Variants in IQSEC1 observed in about 807,000 individuals in gnomAD.
The protein encoded by IQSEC1 is IQ motif and Sec7 domain ArfGEF 1.
A neutral mutation model predicts 91.0 loss-of-function variants in IQSEC1; 31 were observed. The observed-to-expected ratio is 0.34, with a 90% CI of 0.26 to 0.46. The LOEUF is 0.46. Ranked by LOEUF, IQSEC1 falls within the 20% of genes least tolerant of loss-of-function variation. The probability of loss-of-function intolerance (pLI) is 1.00; values close to 1 mark genes in which losing one functional copy is unlikely to be tolerated. For synonymous variants in IQSEC1, 699 were observed against 662.6 expected (o/e 1.05, Z -0.84); for missense variants, 1,388 against 1,575.6 (o/e 0.88, Z 2.02).
intron 1 of IQSEC1, among the ~76,000 whole-genome samples, chr3:13,246,584 T>C (rs1367550693): frequency 9.2e-5 from 14 of 152,210 alleles, no homozygotes; most frequent in Admixed American, 6.5e-4. Flanking sequence ...GAAATATAGC[T>C]ACGAAATATA....
chr3:13,014,389 C>T (rs1004976804), intron 1 of IQSEC1, among the ~76,000 whole-genome samples: 71 of 152,318 alleles, frequency 4.7e-4, no homozygotes, highest in African/African-American at 1.6e-3. Flanking sequence ...GGACATCTGT[C>T]CCATGTCACA....
intron 1 of IQSEC1, among the ~76,000 whole-genome samples, chr3:12,974,398 C>A (rs989785246): frequency 1.3e-5 from 2 of 152,246 alleles, no homozygotes; most frequent in African/African-American, 4.8e-5. Flanking sequence ...CTTGCCGCAT[C>A]CCTCATCAGT....
At chr3:13,183,579 G>A (rs1448338615) in intron 1 of IQSEC1, among the ~76,000 whole-genome samples, 1 of 151,932 alleles carries the variant, frequency 6.6e-6, no homozygotes, top group African/African-American at 2.4e-5. Context: ...CAAAAAAAAA[G>A]AAAAATGAAA....
chr3:13,038,488 G>A (rs4684899), intron 1 of IQSEC1, among the ~76,000 whole-genome samples: 77,018 of 151,024 alleles, frequency 0.51, 20,880 homozygotes, highest in African/African-American at 0.68. Flanking sequence ...ACAGTTATCA[G>A]AATTGGGAAG....
At chr3:13,227,375 CAAAAAAAAAAA>C (rs753199634) in intron 1 of IQSEC1, among the ~76,000 whole-genome samples, 1 of 70,070 alleles carries the variant, frequency 1.4e-5, no homozygotes, top group East Asian at 4.5e-4. Flanking sequence ...GACTCTGTCT[CAAAAAAAAAAA>C]AAAAAAAAAA....
chr3:13,221,889 A>C (rs1336776382), intron 1 of IQSEC1, among the ~76,000 whole-genome samples: 2 of 152,214 alleles, frequency 1.3e-5, no homozygotes, highest in Non-Finnish European at 2.9e-5. Context: ...TCCGAAAATG[A>C]GCCAGTTTCC....
chr3:12,944,700 G>A (rs2087396791), intron 1 of IQSEC1, among the ~76,000 whole-genome samples: 1 of 152,078 alleles, frequency 6.6e-6, no homozygotes. Context: ...CCGGGCCTCC[G>A]CTCCTAAGAG....
intron 2 of IQSEC1, among the ~76,000 whole-genome samples, chr3:13,121,668 G>A (rs1311951163): frequency 6.6e-6 from 1 of 152,228 alleles, no homozygotes; most frequent in Non-Finnish European, 1.5e-5. Flanking sequence ...GCGCTGGGGG[G>A]ACAGAGTGGT....
At chr3:13,152,736 T>G (rs1707020457) in intron 2 of IQSEC1, among the ~76,000 whole-genome samples, 2 of 152,270 alleles carry the variant, frequency 1.3e-5, no homozygotes, top group Non-Finnish European at 2.9e-5. Context: ...CCGGGTGCGG[T>G]GGCTGGCGCC....
chr3:12,978,075 A>G (rs2125573867), intron 1 of IQSEC1, among the ~76,000 whole-genome samples: 1 of 152,362 alleles, frequency 6.6e-6, no homozygotes, highest in South Asian at 2.1e-4. Flanking sequence ...AAGGGGAGTG[A>G]AAGTAATTCA....
At chr3:13,068,876 T>G (rs569363917) in intron 1 of IQSEC1, among the ~76,000 whole-genome samples, 1 of 152,354 alleles carries the variant, frequency 6.6e-6, no homozygotes, top group Admixed American at 6.5e-5. Flanking sequence ...GCTCTCTATC[T>G]TCTTCATTTC....
Position 13,079,668 on chromosome 3 carries a change from C to G in IQSEC1, c.303-32146G>C, listed in dbSNP as rs569876197. ...ATGAGAGGCTGCAGGTTCTCATCAC[C>G]GGAGCCCTGGGCCAGCCACACCTGA... On this transcript the variant is annotated intron_variant, in intron 2 of 15. Transcript: ENST00000648114. 2.6e-5 allele frequency among the ~76,000 whole-genome samples: 4 copies of G among 152,320 alleles called. No homozygotes were observed. The East Asian group carries it at 7.7e-4, about 29-fold the overall frequency.
At chr3:13,051,243 G>GGT (rs1195447637) in intron 1 of IQSEC1, among the ~76,000 whole-genome samples, 1 of 152,218 alleles carries the variant, frequency 6.6e-6, no homozygotes, top group Non-Finnish European at 1.5e-5. Flanking sequence ...CAGCCATGCT[G>GGT]AGTGAGGCCC....
chr3:13,011,179 C>T (rs1257541066), intron 1 of IQSEC1, among the ~76,000 whole-genome samples: 1 of 152,116 alleles, frequency 6.6e-6, no homozygotes, highest in African/African-American at 2.4e-5. Context: ...GGTTTTAACA[C>T]ACCATGTGCA....
At chr3:13,223,697 G>A (rs543472754) in intron 1 of IQSEC1, among the ~76,000 whole-genome samples, 6 of 152,300 alleles carry the variant, frequency 3.9e-5, no homozygotes, top group African/African-American at 4.8e-5. Flanking sequence ...CAGGGACCGC[G>A]GCGTCTGCAG....
intron 1 of IQSEC1, among the ~76,000 whole-genome samples, chr3:13,240,383 GAATA>G (rs1695000868): frequency 6.6e-6 from 1 of 152,010 alleles, no homozygotes; most frequent in South Asian, 2.1e-4. Flanking sequence ...ATAAATAAAT[GAATA>G]AATAAAAATT....
At chr3:13,226,624 T>C (rs1050724226) in intron 1 of IQSEC1, among the ~76,000 whole-genome samples, 1 of 151,638 alleles carries the variant, frequency 6.6e-6, no homozygotes, top group African/African-American at 2.4e-5. Flanking sequence ...ATTTGCCTCA[T>C]CAACCCAGTA....
chr3:12,978,856 G>A (rs1576099333), intron 1 of IQSEC1, among the ~76,000 whole-genome samples: 1 of 152,230 alleles, frequency 6.6e-6, no homozygotes, highest in South Asian at 2.1e-4. Context: ...TGTAGGAGGT[G>A]ATGCCTGTCT....
intron 1 of IQSEC1, among the ~76,000 whole-genome samples, chr3:13,062,580 C>T (rs1298926427): frequency 6.6e-6 from 1 of 152,132 alleles, no homozygotes; most frequent in Non-Finnish European, 1.5e-5. Context: ...GCTGAGCTCA[C>T]CTGGTCTTGG....
Sources: gnomAD v4.1 joint callset for allele counts (sites outside exome capture counted in the v4.1 genomes callset) on GRCh38, gnomAD v4.1.1 for gene constraint, MANE v1.5 for transcripts, NCBI Gene and HGNC (gene_info 2026-07-23, HGNC 2026-07-21) for gene names.